Variants in TRIP12 observed in about 807,000 individuals in gnomAD.
TRIP12 encodes thyroid hormone receptor interactor 12, also known as E3 ubiquitin-protein ligase TRIP12.
A neutral mutation model predicts 244.2 loss-of-function variants in TRIP12; 25 were observed. That is an observed-to-expected ratio of 0.10 (90% confidence interval 0.07 to 0.14). The LOEUF is 0.14. Ranked by LOEUF, TRIP12 falls within the 10% of genes least tolerant of loss-of-function variation. The pLI, the probability that TRIP12 is intolerant of heterozygous loss-of-function variation, is 1.00. For missense variants in TRIP12, 1,677 were observed against 2,486.4 expected (o/e 0.67, Z 6.92); for synonymous variants, 905 against 873.1 (o/e 1.04, Z -0.64).
chr2:229,838,508 A>G lies in TRIP12; in HGVS notation c.1134-1524T>C, dbSNP rs528598589. ...CCTGCGCACAGCATGATCATGCCTC[A>G]GTGGGTAATTTCGCACGTGCTAATT... On this transcript the variant is annotated intron_variant, in intron 5 of 41. Transcript: ENST00000675903. Among the ~76,000 whole-genome samples, 19 of 152,344 alleles carry G rather than the reference A, an allele frequency of 1.2e-4. No homozygotes were observed. The South Asian group carries it at 3.9e-3, about 32-fold the overall frequency.
At chr2:229,834,783 C>T (rs1344370677) in intron 6 of TRIP12, among the ~76,000 whole-genome samples, 1 of 151,966 alleles carries the variant, frequency 6.6e-6, no homozygotes, top group Non-Finnish European at 1.5e-5. Flanking sequence ...AAAAAGAATG[C>T]ACAGGAGTCT....
intron 39 of TRIP12, among the ~76,000 whole-genome samples, chr2:229,769,665 G>C (rs1295489533): frequency 2.0e-5 from 3 of 151,858 alleles, no homozygotes; most frequent in Non-Finnish European, 4.4e-5. Context: ...TCTGCTTCTA[G>C]TCAGGGAGAT....
At chr2:229,845,030 T>C (rs1374112831) in intron 4 of TRIP12, among the ~76,000 whole-genome samples, 1 of 152,180 alleles carries the variant, frequency 6.6e-6, no homozygotes, top group Non-Finnish European at 1.5e-5. Context: ...ACCATACTGA[T>C]TCATTCAAGG....
intron 21 of TRIP12, among the ~76,000 whole-genome samples, chr2:229,799,850 G>A (rs1278078499): frequency 6.6e-6 from 1 of 152,072 alleles, no homozygotes; most frequent in Non-Finnish European, 1.5e-5. Context: ...TGCCAGTCAT[G>A]TTCTAGAGGT....
At chr2:229,803,933 A>G (rs113134227) in intron 19 of TRIP12, 66 bp downstream of exon 19, 3 of 1,385,024 alleles carry the variant, frequency 2.2e-6, no homozygotes, top group Non-Finnish European at 2.9e-6. Flanking sequence ...ATTACTTTAG[A>G]GGTTTCTGAA....
rs2076685619 is a variant in TRIP12, at chr2:229,921,998, C to T, written c.-168G>A. On this transcript the variant is annotated 5_prime_UTR_variant, in exon 1 of 42. Transcript: ENST00000675903. ...GGCTCCGGGTTCCTTCAATTATCAG[C>T]TGAGCCGCAGCACCGCGCCCGGCGT... is the stretch of plus-strand genomic sequence containing the variant. The T allele has an allele frequency of 1.3e-5, 2 of 151,616 alleles. No individual in the cohort carries two copies. The highest frequency in any genetic ancestry group is 6.6e-5 in the Admixed American group (1 of 15,164). The allele number at this position is 151,616 out of a possible 1,614,324, so 9.4% of individuals were successfully genotyped here. A position where few individuals can be genotyped will look rare whatever the true frequency, so the allele number is the denominator to read the frequency against.
chr2:229,873,889 A>G (rs2063132370), intron 2 of TRIP12, among the ~76,000 whole-genome samples: 1 of 152,166 alleles, frequency 6.6e-6, no homozygotes, highest in Admixed American at 6.5e-5. Context: ...TCCTCTCATC[A>G]TTCAAAAACT....
intron 4 of TRIP12, among the ~76,000 whole-genome samples, chr2:229,844,741 T>C (rs563763202): frequency 1.8e-4 from 28 of 151,936 alleles, no homozygotes; most frequent in African/African-American, 6.7e-4. Context: ...AGATCTTCAT[T>C]CCATAAGTAA....
chr2:229,889,097 G>A (rs1400474229), intron 1 of TRIP12, among the ~76,000 whole-genome samples: 2 of 152,214 alleles, frequency 1.3e-5, no homozygotes, highest in African/African-American at 4.8e-5. Context: ...TCTACTAACA[G>A]GATCCCGCAG....
At chr2:229,803,535 T>A in intron 20 of TRIP12, 36 bp downstream of exon 20, 1 of 1,349,614 alleles carries the variant, frequency 7.4e-7, no homozygotes, top group Non-Finnish European at 1.0e-6. Flanking sequence ...TGAAGTACTA[T>A]CTAGACTAAA....
At chr2:229,910,879 A>G (rs1310905662) in intron 1 of TRIP12, among the ~76,000 whole-genome samples, 1 of 152,172 alleles carries the variant, frequency 6.6e-6, no homozygotes, top group Admixed American at 6.5e-5. Flanking sequence ...GTTGAGAAAT[A>G]ATTAGTAAAT....
chr2:229,835,950 C>T (rs1231075104), intron 6 of TRIP12, among the ~76,000 whole-genome samples: 4 of 152,040 alleles, frequency 2.6e-5, no homozygotes, highest in Non-Finnish European at 5.9e-5. Flanking sequence ...CCTCTCCCAC[C>T]ATATAATTTA....
rs888377545 is a variant in TRIP12, at chr2:229,766,947, T to C, written c.*607A>G. 2.0e-5 allele frequency: 3 copies of C among 152,012 alleles called. No individual in the cohort carries two copies. The highest frequency in any genetic ancestry group is 4.4e-5 in the Non-Finnish European group (3 of 68,010). 9.4% of individuals were successfully genotyped at this position (152,012 alleles called of 1,614,324 possible). On this transcript the variant is annotated 3_prime_UTR_variant, in exon 42 of 42. Coordinates refer to ENST00000675903, the MANE Select transcript of TRIP12 (RefSeq NM_001348323.3). ...AATGAATTTTAAATTAGATCTTAAC[T>C]GGAGAGAACATGGGACAACAGAAGC...
At chr2:229,891,178 T>C (rs1334380478) in intron 1 of TRIP12, among the ~76,000 whole-genome samples, 5 of 152,042 alleles carry the variant, frequency 3.3e-5, no homozygotes, top group African/African-American at 7.2e-5. Context: ...GCCAGCACTT[T>C]TGGAGGCTGA....
At chr2:229,819,351 C>T (rs1261295803) in intron 8 of TRIP12, among the ~76,000 whole-genome samples, 3 of 152,152 alleles carry the variant, frequency 2.0e-5, no homozygotes, top group African/African-American at 7.2e-5. Context: ...TTGAGACCAA[C>T]CTGGCCAACA....
In TRIP12 at chr2:229,905,769, A is replaced by G. The variant is rs188272987; in HGVS notation, c.-50+16111T>C. ...GAGGAGGGTGTAGCTCACAGTGCCT[A>G]AACACCAAGACGCCCACCAATCAGA... On this transcript the variant is annotated intron_variant, in intron 1 of 41. Transcript: ENST00000675903. Among the ~76,000 whole-genome samples the G allele has an allele frequency of 6.3e-4, 96 of 152,284 alleles. 1 individual carries two copies. The highest frequency in any genetic ancestry group is 1.2e-3 in the South Asian group (6 of 4,830).
At chr2:229,798,369 A>G (rs2043339241) in intron 23 of TRIP12, among the ~76,000 whole-genome samples, 1 of 152,128 alleles carries the variant, frequency 6.6e-6, no homozygotes, top group South Asian at 2.1e-4. Flanking sequence ...TTTCTCAATG[A>G]CATTTGGTCT....
chr2:229,779,612 C>A (rs147616920), intron 34 of TRIP12, among the ~76,000 whole-genome samples: 1 of 152,262 alleles, frequency 6.6e-6, no homozygotes, highest in East Asian at 1.9e-4. Context: ...TGATTCCACA[C>A]CAGCACAGAA....
Position 229,764,755 on chromosome 2 carries a change from C to A in TRIP12, c.*2799G>T. On this transcript the variant is annotated 3_prime_UTR_variant, in exon 42 of 42. Transcript: ENST00000675903. Reference sequence around the variant, plus strand: ...ATAGGATGCCCTAGGGAAGTCACTCCACAATACGGAGTGGTCACATTCATT... The same window carrying A: ...ATAGGATGCCCTAGGGAAGTCACTCAACAATACGGAGTGGTCACATTCATT... 6.6e-6 allele frequency: 1 copy of A among 152,308 alleles called. No homozygotes were observed. The highest frequency in any genetic ancestry group is 1.5e-5 in the Non-Finnish European group (1 of 68,044). The allele number at this position is 152,308 out of a possible 1,614,324, so 9.4% of individuals were successfully genotyped here. A position where few individuals can be genotyped will look rare whatever the true frequency, so the allele number is the denominator to read the frequency against.
Sources: gnomAD v4.1 joint callset for allele counts (sites outside exome capture counted in the v4.1 genomes callset) on GRCh38, gnomAD v4.1.1 for gene constraint, MANE v1.5 for transcripts, NCBI Gene and HGNC (gene_info 2026-07-23, HGNC 2026-07-21) for gene names.